Variants in MYO7B observed in about 807,000 individuals in gnomAD.
MYO7B encodes unconventional myosin-VIIb.
MYO7B carries 212 observed loss-of-function variants against 259.7 expected under a neutral mutation model. The ratio of observed to expected loss-of-function variants is 0.82; its 90% CI spans 0.73 to 0.91. MYO7B has a LOEUF of 0.91. Ranked by LOEUF, MYO7B falls within the 40% of genes least tolerant of loss-of-function variation. The probability of loss-of-function intolerance (pLI) is 0.00; values close to 1 mark genes in which losing one functional copy is unlikely to be tolerated. For missense variants in MYO7B, 2,732 were observed against 2,813.5 expected (o/e 0.97, Z 0.66); for synonymous variants, 1,197 against 1,166.4 (o/e 1.03, Z -0.54).
intron 26 of MYO7B, among the ~76,000 whole-genome samples, chr2:127,618,312 G>A (rs1264589847): frequency 6.6e-6 from 1 of 152,212 alleles, no homozygotes; most frequent in Non-Finnish European, 1.5e-5. Flanking sequence ...TTTTAAAGGG[G>A]CCAGGGGAAG....
chr2:127,637,165 C>A, intron 47 of MYO7B, 151 bp from the exon 48 acceptor site: 1 of 889,624 alleles, frequency 1.1e-6, no homozygotes, highest in Non-Finnish European at 1.8e-6. Context: ...GCAGGGCAAG[C>A]AGAAATGACG....
chr2:127,582,496 A>T (rs1473569908), intron 12 of MYO7B, 50 bp downstream of exon 12: 1 of 1,597,160 alleles, frequency 6.3e-7, no homozygotes, highest in East Asian at 2.3e-5. Flanking sequence ...AACAGAAGAT[A>T]AGCAGCTCCT....
Position 127,608,699 on chromosome 2 carries a change from G to C in MYO7B, c.2644-9G>C, listed in dbSNP as rs1019451359. ...GCCCCTGGGTAACCTTCCTCCACGGGGTATGCAGGCGCCGCTGGTCATCCC... is the reference window on the plus strand; with the variant it reads ...GCCCCTGGGTAACCTTCCTCCACGGCGTATGCAGGCGCCGCTGGTCATCCC... On this transcript the variant is annotated splice_polypyrimidine_tract_variant and intron_variant, in intron 21 of 47. Coordinates refer to ENST00000409816, the MANE Select transcript of MYO7B (RefSeq NM_001393586.1). 2.5e-6 allele frequency: 4 copies of C among 1,608,696 alleles called. No homozygotes were observed. In the South Asian group the frequency reaches 3.3e-5, roughly 13 times the overall value.
Position 127,590,271 on chromosome 2 carries a change from A to G in MYO7B, c.1992+42A>G, listed in dbSNP as rs757747610. On this transcript the variant is annotated intron_variant, in intron 16 of 47. Transcript: ENST00000409816. This position sits in a 1 kb window ranked among gnomAD's most constrained non-coding sequence, Gnocchi z 4.6. ...GGGGCACAGCAAAGGAGGGAGGAGG[A>G]GGAGGCTGATGGCCTCTAGGGTTGT... The G allele has an allele frequency of 1.9e-6, 3 of 1,611,830 alleles. No homozygotes were observed.
At position 127,636,395 on chromosome 2, in the gene MYO7B, C is replaced by T. The variant is rs567774098; in HGVS notation, c.6123+71C>T. 94 of 1,485,534 alleles carry T rather than the reference C, an allele frequency of 6.3e-5. 1 individual carries two copies. In the South Asian group the frequency reaches 8.4e-4, roughly 13 times the overall value. 92.0% of individuals were successfully genotyped at this position (1,485,534 alleles called of 1,614,324 possible). On this transcript the variant is annotated intron_variant, in intron 45 of 47. Coordinates refer to ENST00000409816, the MANE Select transcript of MYO7B (RefSeq NM_001393586.1). The surrounding 1 kb of genome is among the most constrained non-coding windows in gnomAD (Gnocchi z 4.5). The stretch of plus-strand genomic sequence containing the variant: ...CTCAGCCCAGCCCCAGCAGGCCCAG[C>T]GTCAACCAGCACACATCTTGGGTGG...
chr2:127,544,571 G>C (rs56041272), intron 1 of MYO7B, among the ~76,000 whole-genome samples: 21,819 of 141,524 alleles, frequency 0.15, 1,755 homozygotes, highest in African/African-American at 0.21. Flanking sequence ...ACCACGTCTG[G>C]CTAATTTTTT....
rs574995588 is a variant in MYO7B, at chr2:127,576,866, G to T, written c.849+158G>T. ...TGCCTCTCCTCGCCAGCCCCTCTCT[G>T]CTGGGAATCACCTTGCCCGCGTGCC... On this transcript the variant is annotated intron_variant, in intron 8 of 47. Transcript: ENST00000409816. The surrounding 1 kb of genome is among the most constrained non-coding windows in gnomAD (Gnocchi z 4.9). 1.3e-5 allele frequency among the ~76,000 whole-genome samples: 2 copies of T among 152,042 alleles called. No homozygotes were observed. The highest frequency in any genetic ancestry group is 2.9e-5 in the Non-Finnish European group (2 of 67,990).
At position 127,636,175 on chromosome 2, in the gene MYO7B, ACCC is replaced by A. The variant is rs750936513; in HGVS notation, c.6007-32_6007-30del. Reference sequence around the variant, plus strand: ...CCAGGGCTTTGGAGGGCCTCTGGGCACCCAAGTCCTTACTGGCCCTCCTGTCCC... The same window carrying A: ...CCAGGGCTTTGGAGGGCCTCTGGGCAAAGTCCTTACTGGCCCTCCTGTCCC... On this transcript the variant is annotated intron_variant, in intron 44 of 47. Coordinates refer to ENST00000409816, the MANE Select transcript of MYO7B (RefSeq NM_001393586.1). The surrounding 1 kb of genome is among the most constrained non-coding windows in gnomAD (Gnocchi z 4.5). 1.3e-6 allele frequency: 2 copies of A among 1,565,060 alleles called. No individual in the cohort carries two copies. Among genetic ancestry groups the A allele is most frequent in the South Asian group, 2.2e-5 (2 of 89,076 alleles).
intron 31 of MYO7B, chr2:127,626,338 G>C (rs901019743): frequency 6.5e-6 from 1 of 152,790 alleles, no homozygotes; most frequent in Non-Finnish European, 1.5e-5. Flanking sequence ...ATCCTGCAAG[G>C]CATAGGCTGG....
rs529279132 is a variant in MYO7B at position 127,590,608 on chromosome 2, A to T, written c.1992+379A>T. On this transcript the variant is annotated intron_variant, in intron 16 of 47. Transcript: ENST00000409816. This position sits in a 1 kb window ranked among gnomAD's most constrained non-coding sequence, Gnocchi z 4.6. ...GTCCCATATGTAAACCACACTCAACAAAGGCAGAAATCAGTAATAGGACTT... is the reference window on the plus strand; with the variant it reads ...GTCCCATATGTAAACCACACTCAACTAAGGCAGAAATCAGTAATAGGACTT... 5.9e-5 allele frequency among the ~76,000 whole-genome samples: 9 copies of T among 152,362 alleles called. No individual in the cohort carries two copies. Among genetic ancestry groups the T allele is most frequent in the South Asian group, 4.1e-4 (2 of 4,830 alleles).
rs1354668944 is a variant in MYO7B at position 127,597,234 on chromosome 2, A to G, written c.2339+678A>G. 6.6e-6 allele frequency among the ~76,000 whole-genome samples: 1 copy of G among 152,268 alleles called. No individual in the cohort carries two copies. Among genetic ancestry groups the G allele is most frequent in the Non-Finnish European group, 1.5e-5 (1 of 68,038 alleles). Reference sequence around the variant, plus strand: ...AGGCCGCATCTGACCAAACAGGCCCACGTGGTCAGAGGCGAGGCAGGCTGG... The same window carrying G: ...AGGCCGCATCTGACCAAACAGGCCCGCGTGGTCAGAGGCGAGGCAGGCTGG... On this transcript the variant is annotated intron_variant, in intron 19 of 47. Transcript: ENST00000409816. This position sits in a 1 kb window ranked among gnomAD's most constrained non-coding sequence, Gnocchi z 4.8.
At position 127,590,279 on chromosome 2, in the gene MYO7B, G is replaced by T. The variant is rs574902309; in HGVS notation, c.1992+50G>T. 6.2e-7 allele frequency: 1 copy of T among 1,611,182 alleles called. No individual in the cohort carries two copies. The highest frequency in any genetic ancestry group is 1.1e-5 in the South Asian group (1 of 90,888). On this transcript the variant is annotated intron_variant, in intron 16 of 47. Coordinates refer to ENST00000409816, the MANE Select transcript of MYO7B (RefSeq NM_001393586.1). This position sits in a 1 kb window ranked among gnomAD's most constrained non-coding sequence, Gnocchi z 4.6. Reference sequence around the variant, plus strand: ...GCAAAGGAGGGAGGAGGAGGAGGCTGATGGCCTCTAGGGTTGTGGTCACTC... The same window carrying T: ...GCAAAGGAGGGAGGAGGAGGAGGCTTATGGCCTCTAGGGTTGTGGTCACTC...
chr2:127,590,292 G>C lies in MYO7B; in HGVS notation c.1992+63G>C. 1 of 1,606,470 alleles carries C rather than the reference G, an allele frequency of 6.2e-7. No individual in the cohort carries two copies. The highest frequency in any genetic ancestry group is 1.1e-5 in the South Asian group (1 of 90,502). Reference sequence around the variant, plus strand: ...GAGGAGGAGGCTGATGGCCTCTAGGGTTGTGGTCACTCCCTCTGCCAGGGC... The same window carrying C: ...GAGGAGGAGGCTGATGGCCTCTAGGCTTGTGGTCACTCCCTCTGCCAGGGC... On this transcript the variant is annotated intron_variant, in intron 16 of 47. Transcript: ENST00000409816. The surrounding 1 kb of genome is among the most constrained non-coding windows in gnomAD (Gnocchi z 4.6).
At chr2:127,632,105 A>G in intron 38 of MYO7B, 141 bp from the exon 39 acceptor site, 1 of 1,018,074 alleles carries the variant, frequency 9.8e-7, no homozygotes, top group Non-Finnish European at 1.4e-6. Context: ...CACAGCTGGC[A>G]TGGTGCAGCC....
At chr2:127,567,823 A>G (rs1053978709) in intron 5 of MYO7B, among the ~76,000 whole-genome samples, 10 of 152,170 alleles carry the variant, frequency 6.6e-5, no homozygotes, top group African/African-American at 2.4e-4. Flanking sequence ...ACAGACAGGC[A>G]ACAAATAAGT....
chr2:127,554,018 T>C (rs1693548687), intron 1 of MYO7B, among the ~76,000 whole-genome samples: 1 of 152,228 alleles, frequency 6.6e-6, no homozygotes, highest in African/African-American at 2.4e-5. Flanking sequence ...GAGATGATCA[T>C]GTAACTTTTG....
chr2:127,628,687 G>C lies in MYO7B; in HGVS notation c.4624+152G>C, dbSNP rs577248663. Among the ~76,000 whole-genome samples, 5 of 152,286 alleles carry C rather than the reference G, an allele frequency of 3.3e-5. 1 individual carries two copies. The South Asian group carries it at 1.0e-3, about 32-fold the overall frequency. On this transcript the variant is annotated intron_variant, in intron 34 of 47. Transcript: ENST00000409816. This position sits in a 1 kb window ranked among gnomAD's most constrained non-coding sequence, Gnocchi z 4.8. ...CCAAAGCTCTGTGGGGGCAGCTTTA[G>C]GCAAGGCCCTGCCTTCTTTCAGCCA... is the stretch of plus-strand genomic sequence containing the variant.
intron 19 of MYO7B, among the ~76,000 whole-genome samples, chr2:127,604,521 T>A (rs1680089983): frequency 6.6e-6 from 1 of 152,230 alleles, no homozygotes; most frequent in Non-Finnish European, 1.5e-5. Context: ...TTTAATTTCC[T>A]TCAGGAACTT....
At position 127,597,966 on chromosome 2, in the gene MYO7B, G is replaced by A. The variant is rs1679835738; in HGVS notation, c.2339+1410G>A. 6.6e-6 allele frequency among the ~76,000 whole-genome samples: 1 copy of A among 152,036 alleles called. No homozygotes were observed. The highest frequency in any genetic ancestry group is 6.6e-5 in the Admixed American group (1 of 15,254). ...ATTTTGTTACTTTTTATTGCTCGGT[G>A]GTATTCTATGGGATGGATACACCAC... is the stretch of plus-strand genomic sequence containing the variant. On this transcript the variant is annotated intron_variant, in intron 19 of 47. Transcript: ENST00000409816. The surrounding 1 kb of genome is among the most constrained non-coding windows in gnomAD (Gnocchi z 4.8).
Sources: gnomAD v4.1 joint callset for allele counts (sites outside exome capture counted in the v4.1 genomes callset) on GRCh38, gnomAD v4.1.1 for gene constraint, Gnocchi (gnomAD v3.1) non-coding constraint, MANE v1.5 for transcripts, NCBI Gene and HGNC (gene_info 2026-07-23, HGNC 2026-07-21) for gene names.